The following INSL6 variants were observed in gnomAD, a reference collection of about 807,000 sequenced individuals.
INSL6 encodes the protein insulin-like peptide INSL6.
Under a neutral mutation model 9.4 loss-of-function variants are expected in INSL6, and 16 were observed. The observed-to-expected ratio is 1.70, with a 90% CI of 1.15 to 2.59. The LOEUF (loss-of-function observed/expected upper bound fraction) is 2.59. Among genes scored for constraint, INSL6 ranks in the 30% most tolerant of loss-of-function variants. INSL6 has a pLI of 0.00. For synonymous variants in INSL6, 154 were observed against 96.9 expected, an observed-to-expected ratio of 1.59 and a Z score of -3.46; for missense variants, 391 against 257.3, an observed-to-expected ratio of 1.52 and a Z score of -3.56.
chr9:5,085,656 T>C, the INSL6 span: 1 of 724,400 alleles, frequency 1.4e-6, no homozygotes, highest in Non-Finnish European at 2.6e-6. Flanking sequence ...TCTTGTGTGT[T>C]TTCCTTTTCG....
At chr9:5,095,401 T>G in the INSL6 span, among the ~76,000 whole-genome samples, 1 of 152,166 alleles carries the variant, frequency 6.6e-6, no homozygotes. Flanking sequence ...AGCCACCAAA[T>G]ATTTTCTTAC....
the INSL6 span, among the ~76,000 whole-genome samples, chr9:5,048,318 T>C: frequency 2.4e-4 from 36 of 152,206 alleles, 1 homozygote; most frequent in East Asian, 4.8e-3. Context: ...ATTTTTTGTA[T>C]TTTTAGTAGA....
the INSL6 span, among the ~76,000 whole-genome samples, chr9:5,102,561 G>T: frequency 6.6e-6 from 1 of 152,054 alleles, no homozygotes; most frequent in African/African-American, 2.4e-5. Context: ...GATACTCCTC[G>T]AGAAGAGCAA....
chr9:5,079,828 AT>A, the INSL6 span, among the ~76,000 whole-genome samples: 148 of 149,424 alleles, frequency 9.9e-4, no homozygotes, highest in Middle Eastern at 6.9e-3. Flanking sequence ...CAAAAAAAAA[AT>A]TTTTTTTTTT....
intron 2 of INSL6, among the ~76,000 whole-genome samples, chr9:5,139,941 C>G (rs1296328019): frequency 6.6e-6 from 1 of 152,078 alleles, no homozygotes; most frequent in Non-Finnish European, 1.5e-5. Flanking sequence ...TGTCAGATGT[C>G]TTTTCAAGGG....
the INSL6 span, among the ~76,000 whole-genome samples, chr9:5,092,167 C>T: frequency 6.6e-6 from 1 of 151,994 alleles, no homozygotes; most frequent in Non-Finnish European, 1.5e-5. Flanking sequence ...AAATGGGCCA[C>T]ATTTTCTACC....
chr9:5,091,074 TTA>T, the INSL6 span: 1 of 531,452 alleles, frequency 1.9e-6, no homozygotes, highest in South Asian at 3.0e-5. Context: ...ATAGTCATGG[TTA>T]TAGTCCACGT....
chr9:5,082,335 G>A, the INSL6 span, among the ~76,000 whole-genome samples: 4 of 152,192 alleles, frequency 2.6e-5, no homozygotes, highest in African/African-American at 9.7e-5. Flanking sequence ...TTCAAGGGAA[G>A]GTACTATGCC....
At chr9:5,072,650 C>G in the INSL6 span, 20 of 1,539,790 alleles carry the variant, frequency 1.3e-5, no homozygotes, top group Middle Eastern at 1.9e-4. Flanking sequence ...TTATATTGTT[C>G]ATGTAGTTTA....
At chr9:4,995,917 A>G in the INSL6 span, among the ~76,000 whole-genome samples, 834 of 152,164 alleles carry the variant, frequency 5.5e-3, 8 homozygotes, top group African/African-American at 0.019. Flanking sequence ...TTGCTAACTT[A>G]TGTGTCTGCT....
the INSL6 span, among the ~76,000 whole-genome samples, chr9:4,994,823 C>G: frequency 1.8e-4 from 27 of 152,080 alleles, no homozygotes; most frequent in African/African-American, 6.5e-4. Context: ...ACAAAACTCT[C>G]TGAGAGTTGT....
chr9:5,095,681 G>C, the INSL6 span, among the ~76,000 whole-genome samples: 1 of 152,190 alleles, frequency 6.6e-6, no homozygotes, highest in Non-Finnish European at 1.5e-5. Flanking sequence ...AACACGACCA[G>C]TCTCCTATCT....
chr9:5,095,131 C>T, the INSL6 span: 1 of 151,904 alleles, frequency 6.6e-6, no homozygotes. Flanking sequence ...CAAAATTCTC[C>T]ATGCTACCTA....
downstream of INSL6, among the ~76,000 whole-genome samples, chr9:5,162,041 T>C (rs1237801675): frequency 1.3e-5 from 2 of 151,872 alleles, no homozygotes; most frequent in African/African-American, 4.8e-5. Context: ...ATCACACTAC[T>C]GCATTCTAGC....
At chr9:5,149,997 A>G (rs1408972257) in intron 2 of INSL6, among the ~76,000 whole-genome samples, 2 of 152,244 alleles carry the variant, frequency 1.3e-5, no homozygotes, top group Non-Finnish European at 2.9e-5. Flanking sequence ...ACAATGGGGA[A>G]AGATCAGTCT....
At chr9:5,127,064 G>GA (rs927109232) in intron 3 of INSL6, 7 of 260,284 alleles carry the variant, frequency 2.7e-5, no homozygotes, top group South Asian at 1.3e-4. Flanking sequence ...TCTGGCAAAA[G>GA]AAAAAAAATA....
chr9:5,023,862 CTTTAGCTTATAGTAAGAT>C, the INSL6 span, among the ~76,000 whole-genome samples: 1 of 151,950 alleles, frequency 6.6e-6, no homozygotes, highest in Admixed American at 6.6e-5. Context: ...ATCTCTGATC[CTTTAGCTTATAGTAAGAT>C]TTTAGCTTGT....
At chr9:5,071,352 C>G in the INSL6 span, among the ~76,000 whole-genome samples, 2 of 151,960 alleles carry the variant, frequency 1.3e-5, no homozygotes, top group Non-Finnish European at 2.9e-5. Context: ...AAAATTAGAA[C>G]TCCAGGAACT....
the INSL6 span, among the ~76,000 whole-genome samples, chr9:5,025,973 T>G: frequency 6.6e-6 from 1 of 152,256 alleles, no homozygotes; most frequent in African/African-American, 2.4e-5. Context: ...TAACTTATAA[T>G]TATGCTTTTT....
Sources: gnomAD v4.1 joint callset for allele counts (sites outside exome capture counted in the v4.1 genomes callset) on GRCh38, gnomAD v4.1.1 for gene constraint, MANE v1.5 for transcripts, NCBI Gene and HGNC (gene_info 2026-07-23, HGNC 2026-07-21) for gene names.